The following SLC5A5 variants were observed in gnomAD, a reference collection of about 807,000 sequenced individuals.
SLC5A5 encodes solute carrier family 5 member 5.
A neutral mutation model predicts 68.6 loss-of-function variants in SLC5A5; 56 were observed. The observed-to-expected ratio is 0.82, with a 90% CI of 0.66 to 1.02. SLC5A5 has a LOEUF of 1.02. Ranked by LOEUF, SLC5A5 falls within the 50% of genes least tolerant of loss-of-function variation. SLC5A5 has a pLI of 0.00. For synonymous variants in SLC5A5, 398 were observed against 373.0 expected (o/e 1.07, Z -0.77); for missense variants, 807 against 859.8 (o/e 0.94, Z 0.77).
rs1419486012 is a variant in SLC5A5, at chr19:17,877,990, T to G, written c.866T>G (p.Leu289Arg). ...KLALLINQVG[L>R]FLIVSSAACC... ...GCCCTGCTCATCAACCAGGTCGGCCTGTTCCTGATCGTGTCCAGCGCTGCC... is the reference window on the plus strand; with the variant it reads ...GCCCTGCTCATCAACCAGGTCGGCCGGTTCCTGATCGTGTCCAGCGCTGCC... The change falls in exon 7 of 15, where the codon CTG becomes CGG. Residue 289 changes from leucine (L) to arginine (R), a missense_variant. Physicochemically the swap from Leu to Arg is moderately radical, Grantham distance 102 (BLOSUM62 -2). Coordinates refer to ENST00000222248, the MANE Select transcript of SLC5A5 (RefSeq NM_000453.3). 1 of 1,613,428 alleles carries G rather than the reference T, an allele frequency of 6.2e-7. No individual in the cohort carries two copies. Among genetic ancestry groups the G allele is most frequent in the Non-Finnish European group, 8.5e-7 (1 of 1,180,032 alleles).
At chr19:17,877,649 G>T in intron 5 of SLC5A5, 74 bp from the exon 6 acceptor site, 1 of 1,583,580 alleles carries the variant, frequency 6.3e-7, no homozygotes, top group Admixed American at 1.8e-5. Flanking sequence ...GTCCAGAAGC[G>T]CTGTCTGGGG....
intron 1 of SLC5A5, 33 bp downstream of exon 1, chr19:17,872,709 C>A: frequency 7.5e-7 from 1 of 1,339,836 alleles, no homozygotes; most frequent in Admixed American, 1.7e-5. Context: ...TAGGACCTGC[C>A]CCACTGGCAG....
chr19:17,882,264 G>A (rs754247996), intron 10 of SLC5A5, 45 bp downstream of exon 10: 7 of 1,480,728 alleles, frequency 4.7e-6, no homozygotes, highest in Non-Finnish European at 6.6e-6. Context: ...GAGAGGTGGG[G>A]GCACCTTTCC....
In SLC5A5 at chr19:17,872,332, G is replaced by C. The variant is rs2094296177; in HGVS notation, c.13G>C (p.Glu5Gln). The change falls in exon 1 of 15, where the codon GAG becomes CAG. Residue 5 changes from glutamate (E) to glutamine (Q), a missense_variant. Coordinates refer to ENST00000222248, the MANE Select transcript of SLC5A5 (RefSeq NM_000453.3). MEAV[E>Q]TGERPTFGAW... is the part of the protein sequence containing the mutation. ...CGCACCCGCCCTCATGGAGGCCGTGGAGACCGGGGAACGGCCCACCTTCGG... is the reference window on the plus strand; with the variant it reads ...CGCACCCGCCCTCATGGAGGCCGTGCAGACCGGGGAACGGCCCACCTTCGG... The C allele has an allele frequency of 1.3e-6, 2 of 1,581,646 alleles. No individual in the cohort carries two copies. Among genetic ancestry groups the C allele is most frequent in the Non-Finnish European group, 1.7e-6 (2 of 1,165,294 alleles).
In SLC5A5 at chr19:17,884,095, T is replaced by C. The variant is rs1189542894; in HGVS notation, c.1526+49T>C. On this transcript the variant is annotated intron_variant, in intron 12 of 14. Transcript: ENST00000222248. ...GGTACCCGAGCCCTGGATGGTGTGA[T>C]CTTGAAGGGAAACTTACTTGCCCTG... is the stretch of plus-strand genomic sequence containing the variant. 4 of 1,450,588 alleles carry C rather than the reference T, an allele frequency of 2.8e-6. No homozygotes were observed. In the African/African-American group the frequency reaches 5.6e-5, roughly 20 times the overall value. The allele number at this position is 1,450,588 out of a possible 1,614,324, so 89.9% of individuals were successfully genotyped here.
chr19:17,872,374 G>A lies in SLC5A5; in HGVS notation c.55G>A (p.Val19Ile). ...RPTFGAWDYGVFALMLLVSTG... is the reference protein window; with the variant it reads ...RPTFGAWDYGIFALMLLVSTG... Reference sequence around the variant, plus strand: ...CACCTTCGGAGCCTGGGACTACGGGGTCTTTGCCCTCATGCTCCTGGTGTC... The same window carrying A: ...CACCTTCGGAGCCTGGGACTACGGGATCTTTGCCCTCATGCTCCTGGTGTC... The change falls in exon 1 of 15, where the codon GTC becomes ATC. Residue 19 changes from valine (V) to isoleucine (I), a missense_variant. Physicochemically the swap from Val to Ile is conservative, Grantham distance 29. Coordinates refer to ENST00000222248, the MANE Select transcript of SLC5A5 (RefSeq NM_000453.3). 1 of 1,598,392 alleles carries A rather than the reference G, an allele frequency of 6.3e-7. No homozygotes were observed. The highest frequency in any genetic ancestry group is 8.5e-7 in the Non-Finnish European group (1 of 1,172,554).
At chr19:17,893,665 G>A (rs939212581) in intron 14 of SLC5A5, 48 bp from the exon 15 acceptor site, 5 of 1,591,662 alleles carry the variant, frequency 3.1e-6, no homozygotes, top group African/African-American at 1.3e-5. Context: ...ACGGAACAGG[G>A]TGGGGACAGG....
rs145868929 is a variant in SLC5A5 at position 17,887,314 on chromosome 19, G to A, written c.1527-1017G>A. Among the ~76,000 whole-genome samples the A allele has an allele frequency of 2.0e-4, 31 of 151,954 alleles. No individual in the cohort carries two copies. The East Asian group carries it at 3.7e-3, about 18-fold the overall frequency. ...TTTTTAATTCTTTTTTTTGGTGGGC[G>A]GATGGAGTCTAACTCTGTCACCCAG... is the stretch of plus-strand genomic sequence containing the variant. On this transcript the variant is annotated intron_variant, in intron 12 of 14. Transcript: ENST00000222248.
intron 4 of SLC5A5, among the ~76,000 whole-genome samples, chr19:17,875,589 C>T (rs1253992449): frequency 2.5e-4 from 1 of 3,964 alleles, no homozygotes; most frequent in African/African-American, 3.8e-4. Flanking sequence ...ATAGTGAGAC[C>T]CCCCCCCGCC....
chr19:17,893,796 G>A lies in SLC5A5; in HGVS notation c.1851G>A (p.Gln617=). ...AGGATCGTCTGTTTTTCTTGGGGCA[G>A]AAGGAGCTGGAGGGGGCTGGCTCTT... The part of the protein sequence containing the change: ...TNEDRLFFLG[Q]KELEGAGSWT... The change falls in exon 15 of 15, where the codon CAG becomes CAA. Residue 617 remains glutamine (Q), a synonymous_variant. Coordinates refer to ENST00000222248, the MANE Select transcript of SLC5A5 (RefSeq NM_000453.3). 1 of 1,611,576 alleles carries A rather than the reference G, an allele frequency of 6.2e-7. No homozygotes were observed. Among genetic ancestry groups the A allele is most frequent in the Admixed American group, 1.7e-5 (1 of 59,676 alleles).
Position 17,887,597 on chromosome 19 carries a change from A to ATTT in SLC5A5, c.1527-718_1527-716dup, listed in dbSNP as rs59690936. Among the ~76,000 whole-genome samples the ATTT allele has an allele frequency of 1.4e-4, 17 of 120,958 alleles. 1 individual carries two copies. Among genetic ancestry groups the ATTT allele is most frequent in the African/African-American group, 4.9e-4 (15 of 30,904 alleles). The allele number at this position is 120,958 out of a possible 152,430, so 79.4% of individuals were successfully genotyped here. A position where few individuals can be genotyped will look rare whatever the true frequency, so the allele number is the denominator to read the frequency against. On this transcript the variant is annotated intron_variant, in intron 12 of 14. Transcript: ENST00000222248. ...CAACATGCCTGGCCAGAAGTTTTTA[A>ATTT]TTTTTTTTTTTTTTTTTTGAGATGG...
chr19:17,872,475 G>A lies in SLC5A5; in HGVS notation c.156G>A (p.Arg52=). 1 of 1,611,406 alleles carries A rather than the reference G, an allele frequency of 6.2e-7. No homozygotes were observed. ...CTGAGGACTTCTTCACCGGGGGCCG[G>A]CGCCTGGCGGCCCTGCCCGTGGGCC... The part of the protein sequence containing the change: ...RSAEDFFTGG[R]RLAALPVGLS... The change falls in exon 1 of 15, where the codon CGG becomes CGA. Residue 52 remains arginine (R), a synonymous_variant. Coordinates refer to ENST00000222248, the MANE Select transcript of SLC5A5 (RefSeq NM_000453.3).
At position 17,891,070 on chromosome 19, in the gene SLC5A5, G is replaced by C. The variant is rs934062181; in HGVS notation, c.1767+69G>C. 3.2e-6 allele frequency: 3 copies of C among 944,378 alleles called. No homozygotes were observed. In the Admixed American group the frequency reaches 5.1e-5, roughly 16 times the overall value. The allele number at this position is 944,378 out of a possible 1,614,324, so 58.5% of individuals were successfully genotyped here. On this transcript the variant is annotated intron_variant, in intron 14 of 14. Coordinates refer to ENST00000222248, the MANE Select transcript of SLC5A5 (RefSeq NM_000453.3). ...ACTTTAGGACGTGACCACAGCTCAGGGGAGGGACATGGTATATCAGCACCT... is the reference window on the plus strand; with the variant it reads ...ACTTTAGGACGTGACCACAGCTCAGCGGAGGGACATGGTATATCAGCACCT...
At chr19:17,893,628 A>C in intron 14 of SLC5A5, 85 bp from the exon 15 acceptor site, 1 of 1,380,046 alleles carries the variant, frequency 7.2e-7, no homozygotes, top group Non-Finnish European at 1.0e-6. Flanking sequence ...CCAGGTCATC[A>C]GTAGCCCATC....
At chr19:17,874,953 G>C (rs1037859732) in intron 4 of SLC5A5, among the ~76,000 whole-genome samples, 3 of 152,172 alleles carry the variant, frequency 2.0e-5, no homozygotes, top group Non-Finnish European at 4.4e-5. Flanking sequence ...ACCTCTTCTG[G>C]CTTCCAGTCC....
Position 17,875,020 on chromosome 19 carries a change from A to C in SLC5A5, c.543+289A>C, listed in dbSNP as rs906536269. ...GCTGGCTGAGGTCCCAGGGAGGGCTACCTTTGGCTGGCTCAGGTCTGACCT... is the reference window on the plus strand; with the variant it reads ...GCTGGCTGAGGTCCCAGGGAGGGCTCCCTTTGGCTGGCTCAGGTCTGACCT... On this transcript the variant is annotated intron_variant, in intron 4 of 14. Coordinates refer to ENST00000222248, the MANE Select transcript of SLC5A5 (RefSeq NM_000453.3). 3.3e-5 allele frequency among the ~76,000 whole-genome samples: 5 copies of C among 152,076 alleles called. No homozygotes were observed. The East Asian group carries it at 9.6e-4, about 29-fold the overall frequency.
intron 13 of SLC5A5, among the ~76,000 whole-genome samples, chr19:17,890,113 C>G (rs2030106697): frequency 6.6e-6 from 1 of 152,100 alleles, no homozygotes; most frequent in Admixed American, 6.6e-5. Flanking sequence ...TCTGGTCGCC[C>G]AGGCTGGAGT....
intron 5 of SLC5A5, among the ~76,000 whole-genome samples, chr19:17,876,863 C>T (rs148009532): frequency 2.0e-5 from 3 of 150,528 alleles, no homozygotes; most frequent in South Asian, 4.2e-4. Flanking sequence ...TCCGTCCCCC[C>T]CCTAAAAAAA....
intron 8 of SLC5A5, 94 bp downstream of exon 8, chr19:17,881,047 G>A (rs2094319741): frequency 2.1e-6 from 2 of 948,464 alleles, no homozygotes; most frequent in Admixed American, 1.8e-5. Context: ...GAATGTTCTG[G>A]ACCTGTCCAT....
Sources: allele counts gnomAD v4.1 joint callset (sites outside exome capture counted in the v4.1 genomes callset), GRCh38; gene constraint gnomAD v4.1.1; transcripts MANE v1.5; gene names NCBI Gene and HGNC (gene_info 2026-07-23, HGNC 2026-07-21).